The following FREM2 variants were observed in gnomAD, a reference collection of about 807,000 sequenced individuals.
The protein encoded by FREM2 is FRAS1-related extracellular matrix protein 2.
A neutral mutation model predicts 219.9 loss-of-function variants in FREM2; 119 were observed. The ratio of observed to expected loss-of-function variants is 0.54; its 90% CI spans 0.47 to 0.63. The LOEUF (loss-of-function observed/expected upper bound fraction) is 0.63, where lower values mean the gene tolerates loss of function less well. Among genes scored for constraint, FREM2 ranks in the 30% least tolerant of loss-of-function variants. The pLI is 0.00. For synonymous variants in FREM2, 1,562 were observed against 1,522.8 expected, an observed-to-expected ratio of 1.03 and a Z score of -0.60; for missense variants, 4,030 against 3,993.6, an observed-to-expected ratio of 1.01 and a Z score of -0.25.
intron 6 of FREM2, among the ~76,000 whole-genome samples, chr13:38,788,139 A>G (rs922023155): frequency 2.6e-5 from 4 of 152,148 alleles, no homozygotes; most frequent in Non-Finnish European, 5.9e-5. Flanking sequence ...GTTACTTGAA[A>G]TAGCACTAGC....
Position 38,784,671 on chromosome 13 carries a change from G to A in FREM2, c.5882G>A (p.Cys1961Tyr), listed in dbSNP as rs1426941309. The A allele has an allele frequency of 6.2e-7, 1 of 1,614,188 alleles. No homozygotes were observed. The highest frequency in any genetic ancestry group is 2.2e-5 in the East Asian group (1 of 44,858). The change falls in exon 6 of 24, where the codon TGT (cysteine) becomes TAT (tyrosine). Residue 1961 changes from cysteine to tyrosine, a missense_variant. Around this residue, in one of 2 missense-constraint regions of FREM2, gnomAD observed 3,102 missense variants for 2,950.7 expected, o/e 1.05. Transcript: ENST00000280481. ...RFDKDEREKL[C>Y]RIVIIDDSLY... The stretch of plus-strand genomic sequence containing the variant: ...GACAAAGATGAACGGGAGAAACTGT[G>A]TCGGATAGTCATAATTGATGACTCT...
At chr13:38,785,800 A>G (rs2137832963) in intron 6 of FREM2, among the ~76,000 whole-genome samples, 1 of 152,246 alleles carries the variant, frequency 6.6e-6, no homozygotes, top group South Asian at 2.1e-4. Flanking sequence ...TATTTCTTTG[A>G]ATTGTCTATA....
At chr13:38,790,274 T>G (rs1033127713) in intron 6 of FREM2, among the ~76,000 whole-genome samples, 20 of 152,192 alleles carry the variant, frequency 1.3e-4, no homozygotes, top group Admixed American at 1.3e-3. Context: ...CAGTTTCAAA[T>G]TTCCACTTTA....
chr13:38,872,217 G>T (rs979970340), intron 16 of FREM2, among the ~76,000 whole-genome samples: 6 of 152,172 alleles, frequency 3.9e-5, no homozygotes, highest in Admixed American at 1.3e-4. Flanking sequence ...CATTTTGTAT[G>T]ATTCCATTTA....
In FREM2 at chr13:38,885,213, T is replaced by C. The variant is rs1291683247; in HGVS notation, c.*4426T>C. ...GAAGAGTACATCAGAAACTTCTCCA[T>C]AAGGAAAGAAAACTGACTCTCTCTT... On this transcript the variant is annotated 3_prime_UTR_variant, in exon 24 of 24. Transcript: ENST00000280481. 1 of 152,168 alleles carries C rather than the reference T, an allele frequency of 6.6e-6. No individual in the cohort carries two copies. The highest frequency in any genetic ancestry group is 2.4e-5 in the African/African-American group (1 of 41,470). The allele number at this position is 152,168 out of a possible 1,614,324, so 9.4% of individuals were successfully genotyped here.
chr13:38,851,226 T>C (rs1267885423), intron 10 of FREM2, 118 bp downstream of exon 10: 2 of 946,042 alleles, frequency 2.1e-6, no homozygotes, highest in Non-Finnish European at 3.2e-6. Context: ...ACTAGGGTTT[T>C]TAAGCAATTG....
At chr13:38,793,533 G>A (rs963741572) in intron 6 of FREM2, among the ~76,000 whole-genome samples, 1 of 152,166 alleles carries the variant, frequency 6.6e-6, no homozygotes, top group Admixed American at 6.5e-5. Flanking sequence ...TGGAGAGGTG[G>A]GCGAGGAGTC....
intron 6 of FREM2, among the ~76,000 whole-genome samples, chr13:38,797,366 T>G (rs111971845): frequency 0.012 from 1,788 of 152,302 alleles, 39 homozygotes; most frequent in African/African-American, 0.041. Flanking sequence ...ATGTTGCACA[T>G]TTTTTCATAT....
chr13:38,821,279 A>G (rs959196050), intron 6 of FREM2, among the ~76,000 whole-genome samples: 8 of 151,580 alleles, frequency 5.3e-5, no homozygotes, highest in African/African-American at 1.9e-4. Flanking sequence ...TTTTTTTTGT[A>G]ATTGGCCTAA....
chr13:38,705,008 G>A (rs1474944058), intron 2 of FREM2, among the ~76,000 whole-genome samples: 7 of 152,078 alleles, frequency 4.6e-5, no homozygotes, highest in African/African-American at 1.7e-4. Context: ...ATTCCAATTC[G>A]AAATGAGATT....
At chr13:38,874,270 C>T (rs1278759466) in intron 17 of FREM2, among the ~76,000 whole-genome samples, 4 of 152,130 alleles carry the variant, frequency 2.6e-5, no homozygotes, top group Admixed American at 2.0e-4. Flanking sequence ...TGACTTCACT[C>T]ATGTTACTTA....
At chr13:38,814,694 C>A (rs1389692014) in intron 6 of FREM2, among the ~76,000 whole-genome samples, 1 of 152,150 alleles carries the variant, frequency 6.6e-6, no homozygotes, top group African/African-American at 2.4e-5. Context: ...GGGATGCTGT[C>A]TGGGAGCCAG....
chr13:38,754,634 G>A (rs1184216066), intron 2 of FREM2, among the ~76,000 whole-genome samples: 4 of 152,074 alleles, frequency 2.6e-5, no homozygotes, highest in Admixed American at 6.5e-5. Flanking sequence ...GATAATGTGC[G>A]TATTATCAAA....
chr13:38,779,447 A>G (rs1436523941), intron 4 of FREM2: 1 of 152,030 alleles, frequency 6.6e-6, no homozygotes, highest in Non-Finnish European at 1.5e-5. Flanking sequence ...CAGGTCACAT[A>G]CTGAAATTGG....
chr13:38,753,422 AC>A (rs913736433), intron 2 of FREM2, among the ~76,000 whole-genome samples: 1 of 152,162 alleles, frequency 6.6e-6, no homozygotes, highest in African/African-American at 2.4e-5. Context: ...TTCACATCCC[AC>A]CCTTTCTGAA....
chr13:38,748,801 G>T (rs1872585046), intron 2 of FREM2, among the ~76,000 whole-genome samples: 1 of 152,118 alleles, frequency 6.6e-6, no homozygotes, highest in African/African-American at 2.4e-5. Context: ...TTTGGGAAGT[G>T]CTTTCCCAAA....
chr13:38,769,628 A>C lies in FREM2; in HGVS notation c.5461A>C (p.Lys1821Gln). Residue 1821 changes from lysine (K) to glutamine (Q), a missense_variant, in exon 4 of 24, where the codon AAA (lysine) becomes CAA (glutamine). By Grantham distance (53) the Lys-to-Gln change is moderately conservative. Transcript: ENST00000280481. ...AGAAAAAGACAAAGACTTCAAGGGCAAAGCACAGAAACAAGTGCAGTTCAA... is the reference window on the plus strand; with the variant it reads ...AGAAAAAGACAAAGACTTCAAGGGCCAAGCACAGAAACAAGTGCAGTTCAA... ...TAEKDKDFKG[K>Q]AQKQVQFNPG... is the part of the protein sequence containing the mutation. 6.2e-7 allele frequency: 1 copy of C among 1,614,200 alleles called. No homozygotes were observed. Among genetic ancestry groups the C allele is most frequent in the Non-Finnish European group, 8.5e-7 (1 of 1,180,012 alleles).
At chr13:38,696,790 G>T (rs955432308) in intron 1 of FREM2, among the ~76,000 whole-genome samples, 3 of 151,338 alleles carry the variant, frequency 2.0e-5, no homozygotes, top group Non-Finnish European at 4.4e-5. Context: ...ATAACTTTCT[G>T]CCATGAATAA....
intron 16 of FREM2, among the ~76,000 whole-genome samples, chr13:38,866,564 A>T (rs905450717): frequency 2.0e-5 from 3 of 150,556 alleles, no homozygotes; most frequent in Admixed American, 6.7e-5. Flanking sequence ...GCTACTCAGG[A>T]GGCTGAGGCA....
Sources: gnomAD v4.1 joint callset for allele counts (sites outside exome capture counted in the v4.1 genomes callset) on GRCh38, gnomAD v4.1.1 for gene constraint, gnomAD v4.1.1 regional missense constraint, MANE v1.5 for transcripts, NCBI Gene and HGNC (gene_info 2026-07-23, HGNC 2026-07-21) for gene names.